CTXN2: variants seen among roughly 807,000 people sequenced by gnomAD.
CTXN2 encodes the protein cortexin 2.
In CTXN2, 3 loss-of-function variants were observed where a neutral mutation model predicts 5.7. The observed-to-expected ratio is 0.53, with a 90% CI of 0.24 to 1.36. The LOEUF is 1.36. Among genes scored for constraint, CTXN2 ranks in the 40% most tolerant of loss-of-function variants. The pLI, the probability that CTXN2 is intolerant of heterozygous loss-of-function variation, is 0.17. For synonymous variants in CTXN2, 38 were observed against 36.4 expected, an observed-to-expected ratio of 1.04 and a Z score of -0.16; for missense variants, 87 against 93.0, an observed-to-expected ratio of 0.94 and a Z score of 0.26.
In CTXN2 at chr15:48,193,535, A is replaced by G. The variant is rs563657232; in HGVS notation, c.-58+1682A>G. ...TGTAACTTAATCTAAATTTTCTCAG[A>G]TTTCTTTTTTTTTCTATTTCCCAAT... On this transcript the variant is annotated intron_variant, in intron 1 of 1. Transcript: ENST00000417307. Among the ~76,000 whole-genome samples, 5 of 151,690 alleles carry G rather than the reference A, an allele frequency of 3.3e-5. No homozygotes were observed. In the East Asian group the frequency reaches 9.7e-4, roughly 29 times the overall value.
At chr15:48,199,511 T>C (rs1223880389) in intron 1 of CTXN2, among the ~76,000 whole-genome samples, 4 of 152,200 alleles carry the variant, frequency 2.6e-5, no homozygotes, top group Non-Finnish European at 4.4e-5. Flanking sequence ...ATCTCCTTGG[T>C]CCAACATCTC....
rs778043919 is a variant in CTXN2, at chr15:48,191,808, T to TA, written c.-101dup. On this transcript the variant is annotated 5_prime_UTR_variant, in exon 1 of 2. Coordinates refer to ENST00000417307, the MANE Select transcript of CTXN2 (RefSeq NM_001145668.2). ...GAACACAGACAAACGTGCCAACACT[T>TA]AAGTCTACTGGCTGGACTTCATCTC... 89 of 455,904 alleles carry TA rather than the reference T, an allele frequency of 2.0e-4. No homozygotes were observed. Among genetic ancestry groups the TA allele is most frequent in the Non-Finnish European group, 3.7e-4 (84 of 226,816 alleles). The allele number at this position is 455,904 out of a possible 1,614,324, so 28.2% of individuals were successfully genotyped here.
upstream of CTXN2, among the ~76,000 whole-genome samples, chr15:48,187,252 GA>G (rs947411943): frequency 1.5e-3 from 190 of 128,652 alleles, no homozygotes; most frequent in East Asian, 3.3e-3. Flanking sequence ...TTCATTTTTT[GA>G]AAAAAAAAAA....
In CTXN2 at chr15:48,203,100, A is replaced by G. The variant is rs1357022399; in HGVS notation, c.*1554A>G. ...GAGAAACTGAAGCTAAGAGAAATTA[A>G]CTAGCTTCCCAAGGTCACCATAGCT... is the stretch of plus-strand genomic sequence containing the variant. On this transcript the variant is annotated 3_prime_UTR_variant, in exon 2 of 2. Coordinates refer to ENST00000417307, the MANE Select transcript of CTXN2 (RefSeq NM_001145668.2). 1 of 167,042 alleles carries G rather than the reference A, an allele frequency of 6.0e-6. No individual in the cohort carries two copies. The highest frequency in any genetic ancestry group is 1.5e-5 in the Non-Finnish European group (1 of 68,102). The allele number at this position is 167,042 out of a possible 1,614,324, so 10.3% of individuals were successfully genotyped here.
upstream of CTXN2, chr15:48,190,786 T>G (rs191421361): frequency 1.5e-3 from 236 of 152,352 alleles, no homozygotes; most frequent in African/African-American, 5.5e-3. Flanking sequence ...CTGAGTTTGT[T>G]GAAACGGCCA....
At chr15:48,194,690 A>C (rs1373983928) in intron 1 of CTXN2, among the ~76,000 whole-genome samples, 2 of 152,164 alleles carry the variant, frequency 1.3e-5, no homozygotes, top group Admixed American at 6.6e-5. Flanking sequence ...CATTCCTTGG[A>C]GTTCCTTGCT....
Position 48,201,731 on chromosome 15 carries a change from G to T in CTXN2, c.*185G>T. ...TTGTTGGGATTCCTCACTTTCCTCT[G>T]TTCCCACTTAGAGGTTTCCAATGAA... On this transcript the variant is annotated 3_prime_UTR_variant, in exon 2 of 2. Transcript: ENST00000417307. The T allele has an allele frequency of 1.5e-6, 1 of 649,574 alleles. No individual in the cohort carries two copies. The highest frequency in any genetic ancestry group is 2.7e-6 in the Non-Finnish European group (1 of 373,464). 40.2% of individuals were successfully genotyped at this position (649,574 alleles called of 1,614,324 possible).
At chr15:48,199,209 T>C (rs1385518180) in intron 1 of CTXN2, among the ~76,000 whole-genome samples, 1 of 152,154 alleles carries the variant, frequency 6.6e-6, no homozygotes, top group Admixed American at 6.5e-5. Flanking sequence ...TAATCAATGA[T>C]TGAGTATGGT....
rs2040927153 is a variant in CTXN2 at position 48,201,333 on chromosome 15, T to A, written c.33T>A (p.Ala11=). 6.4e-7 allele frequency: 1 copy of A among 1,551,120 alleles called. No homozygotes were observed. The highest frequency in any genetic ancestry group is 1.2e-5 in the South Asian group (1 of 84,062). The change falls in exon 2 of 2, where the codon GCT becomes GCA. Residue 11 remains alanine (A), a synonymous_variant. Transcript: ENST00000417307. The part of the protein sequence containing the change: MSSTYCGNSS[A]KMSVNEVSAF... ...GTACCTACTGTGGCAACTCTTCAGC[T>A]AAGATGAGTGTCAACGAAGTATCAG... is the stretch of plus-strand genomic sequence containing the variant.
upstream of CTXN2, among the ~76,000 whole-genome samples, chr15:48,190,676 A>T (rs1034741277): frequency 3.9e-5 from 6 of 152,158 alleles, no homozygotes; most frequent in African/African-American, 1.4e-4. Context: ...TCCAGTAGTT[A>T]TAAGGTGAAT....
In CTXN2 at chr15:48,201,655, A is replaced by G; in HGVS notation, c.*109A>G. The stretch of plus-strand genomic sequence containing the variant: ...GAGGCTCATTTTGTTCAGTGAATTC[A>G]ATAAACATCTGTGACTAATTTCTTC... On this transcript the variant is annotated 3_prime_UTR_variant, in exon 2 of 2. Coordinates refer to ENST00000417307, the MANE Select transcript of CTXN2 (RefSeq NM_001145668.2). 1 of 1,046,180 alleles carries G rather than the reference A, an allele frequency of 9.6e-7. No individual in the cohort carries two copies. 64.8% of individuals were successfully genotyped at this position (1,046,180 alleles called of 1,614,324 possible).
chr15:48,180,403 C>T (rs1224244143), intron 1 of CTXN2, among the ~76,000 whole-genome samples: 2 of 152,164 alleles, frequency 1.3e-5, no homozygotes, highest in African/African-American at 4.8e-5. Context: ...TCTTTCCTTC[C>T]TTTCTTGCTA....
At chr15:48,186,390 C>G (rs968010688) in intron 1 of CTXN2, among the ~76,000 whole-genome samples, 3 of 152,222 alleles carry the variant, frequency 2.0e-5, no homozygotes, top group African/African-American at 7.2e-5. Context: ...ATGCTCAATT[C>G]ACTTAGGAGT....
chr15:48,196,458 C>A (rs1445302907), intron 1 of CTXN2, among the ~76,000 whole-genome samples: 1 of 151,998 alleles, frequency 6.6e-6, no homozygotes, highest in Non-Finnish European at 1.5e-5. Context: ...AAAGTGAAAC[C>A]TTTGTAATAC....
rs1400073890 is a variant in CTXN2, at chr15:48,201,260, A to G, written c.-41A>G. On this transcript the variant is annotated 5_prime_UTR_variant, in exon 2 of 2. Coordinates refer to ENST00000417307, the MANE Select transcript of CTXN2 (RefSeq NM_001145668.2). ...TGTACCTAGGCAAAGAGTTGATTCC[A>G]GAAGGAACTGTGAAGAGCCACAACA... is the stretch of plus-strand genomic sequence containing the variant. The G allele has an allele frequency of 6.5e-7, 1 of 1,546,274 alleles. No individual in the cohort carries two copies.
upstream of CTXN2, among the ~76,000 whole-genome samples, chr15:48,187,483 A>G (rs1201727880): frequency 6.6e-6 from 1 of 152,226 alleles, no homozygotes; most frequent in African/African-American, 2.4e-5. Context: ...TTAAGGAATA[A>G]TAATCAAACC....
chr15:48,179,397 C>T (rs1481892929), intron 1 of CTXN2, among the ~76,000 whole-genome samples: 5 of 136,120 alleles, frequency 3.7e-5, no homozygotes, highest in Admixed American at 8.4e-5. Context: ...CCAAGTTCAG[C>T]TACTTCATCA....
At chr15:48,188,950 A>G (rs1873927127), upstream of CTXN2, 2 of 152,206 alleles carry the variant, frequency 1.3e-5, no homozygotes, top group South Asian at 4.1e-4. Context: ...AGAACTTACC[A>G]TATTATTTTG....
At chr15:48,183,024 T>C (rs948751883) in intron 1 of CTXN2, among the ~76,000 whole-genome samples, 1 of 152,212 alleles carries the variant, frequency 6.6e-6, no homozygotes, top group African/African-American at 2.4e-5. Flanking sequence ...GGCTTCTCTT[T>C]CCCTTCCTCC....
Sources: allele counts gnomAD v4.1 joint callset (sites outside exome capture counted in the v4.1 genomes callset), GRCh38; gene constraint gnomAD v4.1.1; transcripts MANE v1.5; gene names NCBI Gene and HGNC (gene_info 2026-07-23, HGNC 2026-07-21).